Variants in SLC38A9 observed in about 807,000 individuals in gnomAD.
SLC38A9 encodes solute carrier family 38 member 9, also known as neutral amino acid transporter 9.
SLC38A9 carries 48 observed loss-of-function variants against 62.3 expected under a neutral mutation model. The observed-to-expected ratio is 0.77, with a 90% CI of 0.61 to 0.98. The LOEUF is 0.98. Ranked by LOEUF, SLC38A9 falls within the 50% of genes least tolerant of loss-of-function variation. The pLI, the probability that SLC38A9 is intolerant of heterozygous loss-of-function variation, is 0.00. For missense variants in SLC38A9, 541 were observed against 679.8 expected (o/e 0.80, Z 2.27); for synonymous variants, 204 against 227.7 (o/e 0.90, Z 0.94).
rs1742374429 is a variant in SLC38A9 at position 55,626,041 on chromosome 5, T to C, written c.*453A>G. On this transcript the variant is annotated 3_prime_UTR_variant, in exon 16 of 16. Coordinates refer to ENST00000396865, the MANE Select transcript of SLC38A9 (RefSeq NM_173514.4). Reference sequence around the variant, plus strand: ...GTATTTGGCTTACTGTCCCAAACAGTAGAGGTTTGGGCAAACTGCAGAAAT... The same window carrying C: ...GTATTTGGCTTACTGTCCCAAACAGCAGAGGTTTGGGCAAACTGCAGAAAT... 1 of 153,962 alleles carries C rather than the reference T, an allele frequency of 6.5e-6. No individual in the cohort carries two copies. Among genetic ancestry groups the C allele is most frequent in the African/African-American group, 2.4e-5 (1 of 41,454 alleles). 9.5% of individuals were successfully genotyped at this position (153,962 alleles called of 1,614,324 possible). A position where few individuals can be genotyped will look rare whatever the true frequency, so the allele number is the denominator to read the frequency against.
At chr5:55,649,638 A>G (rs970619776) in intron 10 of SLC38A9, among the ~76,000 whole-genome samples, 2 of 152,216 alleles carry the variant, frequency 1.3e-5, no homozygotes, top group Non-Finnish European at 2.9e-5. Context: ...ACCGGCCAAC[A>G]TGGCGAAACT....
intron 4 of SLC38A9, among the ~76,000 whole-genome samples, chr5:55,672,053 T>C (rs1214303593): frequency 2.0e-5 from 3 of 152,142 alleles, no homozygotes; most frequent in African/African-American, 7.2e-5. Flanking sequence ...GGTTTCACCA[T>C]CTTCTCCAGG....
intron 11 of SLC38A9, among the ~76,000 whole-genome samples, chr5:55,646,531 A>G (rs1746397628): frequency 6.6e-6 from 1 of 152,188 alleles, no homozygotes; most frequent in Non-Finnish European, 1.5e-5. Context: ...GTACCTCTAG[A>G]AAAGGAATTA....
intron 11 of SLC38A9, among the ~76,000 whole-genome samples, chr5:55,647,775 C>T (rs1431511108): frequency 6.6e-6 from 1 of 152,122 alleles, no homozygotes; most frequent in Non-Finnish European, 1.5e-5. Context: ...GAGAAAATTT[C>T]TTGAAAACCT....
intron 3 of SLC38A9, among the ~76,000 whole-genome samples, chr5:55,679,386 A>G (rs1752682062): frequency 6.6e-6 from 1 of 152,198 alleles, no homozygotes; most frequent in African/African-American, 2.4e-5. Context: ...ACATATAGAC[A>G]AAGAACTTGA....
rs35686566 is a variant in SLC38A9, at chr5:55,659,378, GT to G, written c.698-2605del. Among the ~76,000 whole-genome samples, 27 of 125,614 alleles carry G rather than the reference GT, an allele frequency of 2.1e-4. 1 individual carries two copies. The highest frequency in any genetic ancestry group is 4.4e-3 in the Middle Eastern group (1 of 226). 82.4% of individuals were successfully genotyped at this position (125,614 alleles called of 152,430 possible). ...ATGAACTATTAAAAAAACTGGAAAGGTTTTTTTTTTTATTTTATTTTGATTT... is the reference window on the plus strand; with the variant it reads ...ATGAACTATTAAAAAAACTGGAAAGGTTTTTTTTTTATTTTATTTTGATTT... On this transcript the variant is annotated intron_variant, in intron 8 of 15. Transcript: ENST00000396865.
chr5:55,647,190 T>TA (rs60385661), intron 11 of SLC38A9, among the ~76,000 whole-genome samples: 7 of 151,406 alleles, frequency 4.6e-5, no homozygotes, highest in African/African-American at 1.2e-4. Context: ...ATTTTTTATT[T>TA]TTTTTTGCAA....
chr5:55,709,381 A>AT (rs768763461), intron 2 of SLC38A9, among the ~76,000 whole-genome samples: 1,621 of 148,294 alleles, frequency 0.011, 10 homozygotes, highest in African/African-American at 0.019. Flanking sequence ...CCTCTAAGTG[A>AT]TTTTTTTTTT....
intron 3 of SLC38A9, among the ~76,000 whole-genome samples, chr5:55,684,397 G>A (rs939989366): frequency 3.3e-5 from 5 of 152,136 alleles, no homozygotes; most frequent in African/African-American, 1.2e-4. Context: ...TTGGCTTTGG[G>A]AAGTCAATTT....
chr5:55,685,171 A>T (rs940700688), intron 3 of SLC38A9, among the ~76,000 whole-genome samples: 2 of 152,174 alleles, frequency 1.3e-5, no homozygotes, highest in Non-Finnish European at 2.9e-5. Flanking sequence ...CAAATTCCTT[A>T]ATCTCTCAAT....
At chr5:55,708,902 C>A (rs1757643156) in intron 2 of SLC38A9, among the ~76,000 whole-genome samples, 1 of 152,178 alleles carries the variant, frequency 6.6e-6, no homozygotes. Flanking sequence ...CAAATTTGGT[C>A]ATAGTTTACT....
intron 3 of SLC38A9, among the ~76,000 whole-genome samples, chr5:55,692,159 T>C (rs1415343731): frequency 6.6e-6 from 1 of 152,242 alleles, no homozygotes; most frequent in African/African-American, 2.4e-5. Flanking sequence ...AGTTGGTATT[T>C]AATGCAATGC....
rs1470062834 is a variant in SLC38A9, at chr5:55,711,479, G to C, written c.-62C>G. 1.3e-5 allele frequency: 2 copies of C among 152,116 alleles called. No individual in the cohort carries two copies. Among genetic ancestry groups the C allele is most frequent in the East Asian group, 3.9e-4 (2 of 5,182 alleles). 9.4% of individuals were successfully genotyped at this position (152,116 alleles called of 1,614,324 possible). A position where few individuals can be genotyped will look rare whatever the true frequency, so the allele number is the denominator to read the frequency against. On this transcript the variant is annotated 5_prime_UTR_variant, in exon 2 of 16. Coordinates refer to ENST00000396865, the MANE Select transcript of SLC38A9 (RefSeq NM_173514.4). ...GGTGTTGAGTAGGTTTCTCCAACTC[G>C]GTGGACCTCAGTTTCCTTCTCTGTA... is the stretch of plus-strand genomic sequence containing the variant.
chr5:55,661,718 T>A (rs1358451301), intron 8 of SLC38A9, among the ~76,000 whole-genome samples: 1 of 152,054 alleles, frequency 6.6e-6, no homozygotes, highest in Non-Finnish European at 1.5e-5. Context: ...TAAAAAACTT[T>A]TGAATAACAC....
chr5:55,637,305 C>A (rs1293044362), intron 12 of SLC38A9, among the ~76,000 whole-genome samples: 1 of 152,180 alleles, frequency 6.6e-6, no homozygotes, highest in Non-Finnish European at 1.5e-5. Context: ...GATTAAGATG[C>A]AAAGGCTATG....
chr5:55,683,678 T>C (rs1186932472), intron 3 of SLC38A9, among the ~76,000 whole-genome samples: 1 of 152,238 alleles, frequency 6.6e-6, no homozygotes, highest in Non-Finnish European at 1.5e-5. Flanking sequence ...CTGGCTTCTT[T>C]TGCCAACATT....
At chr5:55,657,660 A>G (rs1580203488) in intron 8 of SLC38A9, among the ~76,000 whole-genome samples, 1 of 152,220 alleles carries the variant, frequency 6.6e-6, no homozygotes, top group East Asian at 1.9e-4. Context: ...GAACAGGCAG[A>G]GAATGTGTTT....
At chr5:55,674,910 ATG>A (rs1751870734) in intron 3 of SLC38A9, among the ~76,000 whole-genome samples, 2 of 152,210 alleles carry the variant, frequency 1.3e-5, no homozygotes, top group African/African-American at 4.8e-5. Flanking sequence ...AAAAATATTT[ATG>A]TCTGGCAGAT....
intron 8 of SLC38A9, among the ~76,000 whole-genome samples, chr5:55,662,781 C>T (rs920659231): frequency 7.9e-5 from 12 of 151,436 alleles, no homozygotes; most frequent in Non-Finnish European, 1.6e-4. Flanking sequence ...ACACCAAATT[C>T]AGAGAAGGAA....
Sources: allele counts gnomAD v4.1 joint callset (sites outside exome capture counted in the v4.1 genomes callset), GRCh38; gene constraint gnomAD v4.1.1; transcripts MANE v1.5; gene names NCBI Gene and HGNC (gene_info 2026-07-23, HGNC 2026-07-21).